The following STK32B variants were observed in gnomAD, a reference collection of about 807,000 sequenced individuals.
The protein encoded by STK32B is serine/threonine-protein kinase 32B.
Under a neutral mutation model 52.6 loss-of-function variants are expected in STK32B, and 43 were observed. That is an observed-to-expected ratio of 0.82 (90% CI 0.64 to 1.05). STK32B has a LOEUF of 1.05. Among genes scored for constraint, STK32B ranks in the 50% least tolerant of loss-of-function variants. The probability of loss-of-function intolerance (pLI) is 0.00; values close to 1 mark genes in which losing one functional copy is unlikely to be tolerated. For synonymous variants in STK32B, 238 were observed against 204.3 expected (o/e 1.17, Z -1.41); for missense variants, 621 against 534.6 (o/e 1.16, Z -1.59).
rs1417745106 is a variant in STK32B at position 5,061,624 on chromosome 4, G to A, written c.52+9709G>A. ...AAGATTTTCCTTCTGGTCTTTGCAGGCATCTGTGCTATAGGTGATAGGAAT... is the reference window on the plus strand; with the variant it reads ...AAGATTTTCCTTCTGGTCTTTGCAGACATCTGTGCTATAGGTGATAGGAAT... On this transcript the variant is annotated intron_variant, in intron 1 of 11. Coordinates refer to ENST00000282908, the MANE Select transcript of STK32B (RefSeq NM_018401.3). 2.0e-5 allele frequency among the ~76,000 whole-genome samples: 3 copies of A among 152,258 alleles called. No individual in the cohort carries two copies. The South Asian group carries it at 6.2e-4, about 32-fold the overall frequency.
At chr4:5,041,837 C>G in the STK32B span, among the ~76,000 whole-genome samples, 11 of 151,238 alleles carry the variant, frequency 7.3e-5, no homozygotes, top group African/African-American at 2.7e-4. Context: ...ACAATGCTGC[C>G]AAACAGAACA....
chr4:5,206,039 T>A (rs1239737801), intron 3 of STK32B, among the ~76,000 whole-genome samples: 1 of 152,186 alleles, frequency 6.6e-6, no homozygotes, highest in East Asian at 1.9e-4. Flanking sequence ...CAGCTGGAAG[T>A]TGAACCAAAA....
At chr4:5,207,534 G>C (rs1030457903) in intron 3 of STK32B, among the ~76,000 whole-genome samples, 1 of 151,916 alleles carries the variant, frequency 6.6e-6, no homozygotes, top group Non-Finnish European at 1.5e-5. Context: ...TTCTTTTTCT[G>C]TATAAATTAC....
At chr4:5,427,846 C>T (rs1000403333) in intron 6 of STK32B, among the ~76,000 whole-genome samples, 48 of 151,408 alleles carry the variant, frequency 3.2e-4, no homozygotes, top group African/African-American at 1.2e-3. Context: ...TTTTAAAGAA[C>T]CAGTTTTTGC....
intron 3 of STK32B, among the ~76,000 whole-genome samples, chr4:5,265,016 A>G (rs1422002974): frequency 2.0e-5 from 3 of 152,166 alleles, no homozygotes; most frequent in Admixed American, 1.3e-4. Context: ...CCTACCTCAT[A>G]TCACAAAGGT....
At chr4:5,138,530 G>A (rs13146308) in intron 1 of STK32B, among the ~76,000 whole-genome samples, 146,901 of 152,302 alleles carry the variant, frequency 0.96, 71,056 homozygotes, top group East Asian at 1. Flanking sequence ...AGTTCATTCA[G>A]TCATTCCTCC....
intron 1 of STK32B, among the ~76,000 whole-genome samples, chr4:5,102,408 G>T (rs1713835963): frequency 6.6e-6 from 1 of 151,706 alleles, no homozygotes; most frequent in South Asian, 2.1e-4. Flanking sequence ...AGAGGACAAA[G>T]TTCTTTCTTT....
intron 3 of STK32B, among the ~76,000 whole-genome samples, chr4:5,213,335 C>G (rs1039623153): frequency 6.6e-6 from 1 of 152,202 alleles, no homozygotes; most frequent in Non-Finnish European, 1.5e-5. Context: ...ACAGTCTATT[C>G]TCCATACAGC....
intron 3 of STK32B, among the ~76,000 whole-genome samples, chr4:5,175,010 T>G (rs945453555): frequency 7.9e-5 from 12 of 152,208 alleles, no homozygotes. Flanking sequence ...TCTTTTATTC[T>G]TTTTTCTCTA....
intron 4 of STK32B, among the ~76,000 whole-genome samples, chr4:5,376,427 C>A (rs1463522085): frequency 6.6e-6 from 1 of 151,936 alleles, no homozygotes; most frequent in African/African-American, 2.4e-5. Context: ...CCCCTGCCCC[C>A]CTCTCTCCCT....
At chr4:5,345,177 T>A (rs1733368587) in intron 4 of STK32B, among the ~76,000 whole-genome samples, 1 of 150,962 alleles carries the variant, frequency 6.6e-6, no homozygotes, top group Non-Finnish European at 1.5e-5. Flanking sequence ...AAGAAAATTT[T>A]AAAGTAAATT....
At chr4:5,172,123 GTATAAGAA>G (rs1417407907) in intron 3 of STK32B, among the ~76,000 whole-genome samples, 2 of 151,938 alleles carry the variant, frequency 1.3e-5, no homozygotes, top group African/African-American at 4.8e-5. Context: ...TGTTGTTGGT[GTATAAGAA>G]TGCTTGTGAT....
chr4:5,272,818 T>C (rs1440457226), intron 3 of STK32B, among the ~76,000 whole-genome samples: 2 of 132,914 alleles, frequency 1.5e-5, no homozygotes, highest in African/African-American at 5.8e-5. Context: ...ATCCCTTCCT[T>C]ACACCTTATA....
intron 3 of STK32B, among the ~76,000 whole-genome samples, chr4:5,191,962 C>A (rs748165131): frequency 4.6e-5 from 7 of 152,210 alleles, no homozygotes; most frequent in Non-Finnish European, 1.0e-4. Context: ...CCCTGCAACC[C>A]CACTCACCTT....
chr4:5,154,785 G>C (rs1022682409), intron 2 of STK32B, among the ~76,000 whole-genome samples: 2 of 152,158 alleles, frequency 1.3e-5, no homozygotes, highest in African/African-American at 4.8e-5. Flanking sequence ...ACTTAGCTTG[G>C]TGCCCAACAT....
chr4:5,111,671 A>G (rs1577075428), intron 1 of STK32B, among the ~76,000 whole-genome samples: 1 of 152,140 alleles, frequency 6.6e-6, no homozygotes, highest in African/African-American at 2.4e-5. Flanking sequence ...TATATGGATG[A>G]TGGGTACACT....
the STK32B span, among the ~76,000 whole-genome samples, chr4:5,032,602 T>C: frequency 1.3e-5 from 2 of 151,906 alleles, no homozygotes; most frequent in African/African-American, 4.8e-5. Flanking sequence ...GCTATATTAT[T>C]TTCCCCCATA....
chr4:5,249,174 CA>C lies in STK32B; in HGVS notation c.260+80726del, dbSNP rs541729900. 5.9e-5 allele frequency among the ~76,000 whole-genome samples: 9 copies of C among 152,276 alleles called. No individual in the cohort carries two copies. The South Asian group carries it at 8.3e-4, about 14-fold the overall frequency. Reference sequence around the variant, plus strand: ...CTCCTGCTGCTGTTGCTGCTACAGGCAAGCATTTTACTGAATTTGTGGTTTA... The same window carrying C: ...CTCCTGCTGCTGTTGCTGCTACAGGCAGCATTTTACTGAATTTGTGGTTTA... On this transcript the variant is annotated intron_variant, in intron 3 of 11. Coordinates refer to ENST00000282908, the MANE Select transcript of STK32B (RefSeq NM_018401.3).
intron 3 of STK32B, among the ~76,000 whole-genome samples, chr4:5,199,388 G>A (rs141979582): frequency 6.6e-6 from 1 of 152,094 alleles, no homozygotes; most frequent in African/African-American, 2.4e-5. Context: ...TTGTTGCTAT[G>A]TGACCATGAA....
Sources: allele counts gnomAD v4.1 joint callset (sites outside exome capture counted in the v4.1 genomes callset), GRCh38; gene constraint gnomAD v4.1.1; transcripts MANE v1.5; gene names NCBI Gene and HGNC (gene_info 2026-07-23, HGNC 2026-07-21).